The following MYH6 variants were observed in gnomAD, a reference collection of about 807,000 sequenced individuals.
The protein encoded by MYH6 is myosin-6.
A neutral mutation model predicts 223.2 loss-of-function variants in MYH6; 126 were observed. The observed-to-expected ratio is 0.56, with a 90% confidence interval of 0.49 to 0.65. MYH6 has a LOEUF of 0.65. Among genes scored for constraint, MYH6 ranks in the 30% least tolerant of loss-of-function variants. MYH6 has a pLI of 0.00. For synonymous variants in MYH6, 978 were observed against 1,010.2 expected (o/e 0.97, Z 0.61); for missense variants, 2,040 against 2,536.4 (o/e 0.80, Z 4.20).
chr14:23,400,813 T>C lies in MYH6; in HGVS notation c.1306A>G (p.Met436Val). 6.2e-7 allele frequency: 1 copy of C among 1,614,190 alleles called. No individual in the cohort carries two copies. The highest frequency in any genetic ancestry group is 1.7e-5 in the Admixed American group (1 of 60,026). Residue 436 changes from methionine to valine, a missense_variant, in exon 13 of 39, where the codon ATG becomes GTG. This residue lies in a region of MYH6 where 649 missense variants were observed against 877.3 expected (regional missense o/e 0.74). Coordinates refer to ENST00000405093, the MANE Select transcript of MYH6 (RefSeq NM_002471.4). The stretch of plus-strand genomic sequence containing the variant: ...ATGCGCGTCACCATCCAGTTGAACA[T>C]CTTCTCATACACTGCCTTGGCCAGA... ...GALAKAVYEK[M>V]FNWMVTRINA... is the part of the protein sequence containing the mutation.
At position 23,400,825 on chromosome 14, in the gene MYH6, C is replaced by A. The variant is rs1891577754; in HGVS notation, c.1294G>T (p.Val432Leu). Reference sequence around the variant, plus strand: ...ATCCAGTTGAACATCTTCTCATACACTGCCTTGGCCAGAGCCCCGATGGAG... The same window carrying A: ...ATCCAGTTGAACATCTTCTCATACAATGCCTTGGCCAGAGCCCCGATGGAG... ...YYSIGALAKAVYEKMFNWMVT... is the reference protein window; with the variant it reads ...YYSIGALAKALYEKMFNWMVT... Residue 432 changes from valine to leucine, a missense_variant, in exon 13 of 39, where the codon GTG becomes TTG. Transcript: ENST00000405093. The A allele has an allele frequency of 1.9e-6, 3 of 1,614,112 alleles. No individual in the cohort carries two copies. The highest frequency in any genetic ancestry group is 2.5e-6 in the Non-Finnish European group (3 of 1,180,058).
chr14:23,405,420 G>C lies in MYH6; in HGVS notation c.346-41C>G. ...AGGCTGGGCATGAGGTTGGTGGGGA[G>C]AGCCTGGGACAGGCAGTGGTGGCAG... On this transcript the variant is annotated intron_variant, in intron 4 of 38. Coordinates refer to ENST00000405093, the MANE Select transcript of MYH6 (RefSeq NM_002471.4). This position sits in a 1 kb window ranked among gnomAD's most constrained non-coding sequence, Gnocchi z 4.7. The C allele has an allele frequency of 6.2e-7, 1 of 1,613,942 alleles. No homozygotes were observed. The highest frequency in any genetic ancestry group is 8.5e-7 in the Non-Finnish European group (1 of 1,179,854).
rs774004889 is a variant in MYH6, at chr14:23,388,569, A to C, written c.4176-231T>G. 2.6e-5 allele frequency: 22 copies of C among 858,140 alleles called. No individual in the cohort carries two copies. In the South Asian group the frequency reaches 2.8e-4, roughly 11 times the overall value. 53.2% of individuals were successfully genotyped at this position (858,140 alleles called of 1,614,324 possible). ...TCAGTGCCCCCTGCCCTCACCCCCCACACAGGCTGATCGACGGTAGCTCCT... is the reference window on the plus strand; with the variant it reads ...TCAGTGCCCCCTGCCCTCACCCCCCCCACAGGCTGATCGACGGTAGCTCCT... On this transcript the variant is annotated intron_variant, in intron 29 of 38. Transcript: ENST00000405093.
At position 23,400,252 on chromosome 14, in the gene MYH6, G is replaced by A. The variant is rs1477041860; in HGVS notation, c.1581+4C>T. ...GGGCATAGGTGGTGAGGCCAAGGAG[G>A]CACCTTCTCGATGAGGTCAATGCAG... is the stretch of plus-strand genomic sequence containing the variant. On this transcript the variant is annotated splice_donor_region_variant and intron_variant, in intron 14 of 38. Coordinates refer to ENST00000405093, the MANE Select transcript of MYH6 (RefSeq NM_002471.4). The A allele has an allele frequency of 1.2e-6, 2 of 1,614,216 alleles. No homozygotes were observed. The highest frequency in any genetic ancestry group is 2.2e-5 in the South Asian group (2 of 91,080).
Position 23,383,259 on chromosome 14 carries a change from T to C in MYH6, c.5627A>G (p.Lys1876Arg), listed in dbSNP as rs201919534. The change falls in exon 37 of 39, where the codon AAG becomes AGG. Residue 1876 changes from lysine to arginine, a missense_variant. Lys to Arg is a conservative substitution (Grantham distance 26, BLOSUM62 2). Around this residue, in one of 4 missense-constraint regions of MYH6, gnomAD observed 1,203 missense variants for 1,400.2 expected, o/e 0.86. Transcript: ENST00000405093. ...LQDLVDKLQL[K>R]VKAYKRQAEE... ...GGCCTGGCGCTTGTAGGCCTTGACC[T>C]TCAGTTGCAGCTTGTCCACCAGGTC... 77 of 1,590,268 alleles carry C rather than the reference T, an allele frequency of 4.8e-5. No homozygotes were observed. In the African/African-American group the frequency reaches 9.0e-4, roughly 18 times the overall value.
intron 20 of MYH6, among the ~76,000 whole-genome samples, chr14:23,396,021 C>T (rs1891381785): frequency 6.6e-6 from 1 of 150,672 alleles, no homozygotes; most frequent in Admixed American, 6.6e-5. Context: ...ATTTGTAGAC[C>T]ATCTGAGCAA....
Position 23,405,012 on chromosome 14 carries a change from C to T in MYH6, c.530+88G>A. On this transcript the variant is annotated intron_variant, in intron 6 of 38. Transcript: ENST00000405093. The surrounding 1 kb of genome is among the most constrained non-coding windows in gnomAD (Gnocchi z 4.7). ...GCCCCATGCTCCCTGCAATCCCAGCCTTAAACCTCTCCTCCCAACTACACC... is the reference window on the plus strand; with the variant it reads ...GCCCCATGCTCCCTGCAATCCCAGCTTTAAACCTCTCCTCCCAACTACACC... 1.3e-6 allele frequency: 2 copies of T among 1,599,402 alleles called. 1 individual carries two copies. Among genetic ancestry groups the T allele is most frequent in the Middle Eastern group, 3.3e-4 (2 of 6,046 alleles).
intron 38 of MYH6, 68 bp from the exon 39 acceptor site, chr14:23,382,131 TGGGGC>T: frequency 6.8e-7 from 1 of 1,476,422 alleles, no homozygotes; most frequent in Non-Finnish European, 9.5e-7. Context: ...GACAAATCCC[TGGGGC>T]TTTCAGAGGC....
In MYH6 at chr14:23,394,124, C is replaced by T. The variant is rs772029920; in HGVS notation, c.2629G>A (p.Glu877Lys). The T allele has an allele frequency of 1.2e-6, 2 of 1,614,222 alleles. No individual in the cohort carries two copies. The highest frequency in any genetic ancestry group is 1.7e-5 in the Admixed American group (1 of 60,028). The change falls in exon 21 of 39, where the codon GAG (glutamate) becomes AAG (lysine). Residue 877 changes from glutamate (E) to lysine (K), a missense_variant. Physicochemically the swap from Glu to Lys is moderately conservative, Grantham distance 56. Coordinates refer to ENST00000405093, the MANE Select transcript of MYH6 (RefSeq NM_002471.4). ...KSEARRKELEEKMVSLLQEKN... is the reference protein window; with the variant it reads ...KSEARRKELEKKMVSLLQEKN... ...TCCTGCAGCAGGGACACCATCTTCT[C>T]CTCCAGCTCCTTGCGGCGAGCCTCG...
At chr14:23,397,376 T>C (rs1891431007) in intron 16 of MYH6, 119 bp from the exon 17 acceptor site, 1 of 1,291,504 alleles carries the variant, frequency 7.7e-7, no homozygotes, top group South Asian at 1.2e-5. Flanking sequence ...TGCCACATAA[T>C]TTGTGACGTG....
Position 23,407,031 on chromosome 14 carries a change from T to C in MYH6, c.193A>G (p.Asn65Asp). 3.7e-6 allele frequency: 6 copies of C among 1,614,074 alleles called. No individual in the cohort carries two copies. The highest frequency in any genetic ancestry group is 5.1e-6 in the Non-Finnish European group (6 of 1,180,002). The change falls in exon 3 of 39, where the codon AAT becomes GAT. Residue 65 changes from asparagine (N) to aspartate (D), a missense_variant. Asn to Asp is a conservative substitution (Grantham distance 23). Coordinates refer to ENST00000405093, the MANE Select transcript of MYH6 (RefSeq NM_002471.4). The surrounding 1 kb of genome is among the most constrained non-coding windows in gnomAD (Gnocchi z 5.6). ...EGGKVIAETE[N>D]GKTVTVKEDQ... ...CGCCATGCCCTACTCACCTTCCCAT[T>C]CTCGGTTTCAGCAATGACCTTGCCT...
chr14:23,405,026 C>T lies in MYH6; in HGVS notation c.530+74G>A, dbSNP rs1372717766. ...GCAATCCCAGCCTTAAACCTCTCCTCCCAACTACACCCTAGGCATCAGCGT... is the reference window on the plus strand; with the variant it reads ...GCAATCCCAGCCTTAAACCTCTCCTTCCAACTACACCCTAGGCATCAGCGT... On this transcript the variant is annotated intron_variant, in intron 6 of 38. Transcript: ENST00000405093. The surrounding 1 kb of genome is among the most constrained non-coding windows in gnomAD (Gnocchi z 4.7). 3 of 1,608,018 alleles carry T rather than the reference C, an allele frequency of 1.9e-6. No homozygotes were observed. The African/African-American group carries it at 4.0e-5, about 22-fold the overall frequency.
intron 26 of MYH6, 132 bp from the exon 27 acceptor site, chr14:23,389,851 A>G: frequency 6.5e-7 from 1 of 1,540,540 alleles, no homozygotes; most frequent in East Asian, 2.3e-5. Flanking sequence ...GCGCAGTCTG[A>G]AGAGAGACTT....
chr14:23,381,991 G>A lies in MYH6; in HGVS notation c.*49C>T. The A allele has an allele frequency of 6.2e-7, 1 of 1,614,096 alleles. No individual in the cohort carries two copies. On this transcript the variant is annotated 3_prime_UTR_variant, in exon 39 of 39. Coordinates refer to ENST00000405093, the MANE Select transcript of MYH6 (RefSeq NM_002471.4). ...GACAGATGGGCTCAGGCAGAGTTTG[G>A]CACTCATATTTATTACAGGTTGGCA...
Position 23,386,357 on chromosome 14 carries a change from G to A in MYH6, c.4917C>T (p.Ala1639=), listed in dbSNP as rs1411381315. 1.2e-5 allele frequency: 19 copies of A among 1,614,016 alleles called. No individual in the cohort carries two copies. The highest frequency in any genetic ancestry group is 3.3e-5 in the Admixed American group (2 of 60,002). The change falls in exon 33 of 39, where the codon GCC becomes GCT. Residue 1639 remains alanine (A), a synonymous_variant. Transcript: ENST00000405093. ...IQLSHANRMA[A]EAQKQVKSLQ... is the part of the protein sequence containing the mutation. ...GGCTCTTGACTTGCTTCTGGGCCTCGGCAGCCATGCGGTTGGCGTGGCTGA... is the reference window on the plus strand; with the variant it reads ...GGCTCTTGACTTGCTTCTGGGCCTCAGCAGCCATGCGGTTGGCGTGGCTGA...
At position 23,383,339 on chromosome 14, in the gene MYH6, G is replaced by GCCCCCC; in HGVS notation, c.5566-20_5566-19insGGGGGG. ...CCTCTGTCTGGGGGTGGGAGGGTGGGAGAAGCTGGTTTGGAGGGGGAGCAA... is the reference window on the plus strand; with the variant it reads ...CCTCTGTCTGGGGGTGGGAGGGTGGGCCCCCCAGAAGCTGGTTTGGAGGGGGAGCAA... On this transcript the variant is annotated intron_variant, in intron 36 of 38. Transcript: ENST00000405093. 1 of 108,192 alleles carries GCCCCCC rather than the reference G, an allele frequency of 9.2e-6. No homozygotes were observed. Among genetic ancestry groups the GCCCCCC allele is most frequent in the Non-Finnish European group, 1.8e-5 (1 of 54,380 alleles). The allele number at this position is 108,192 out of a possible 1,614,324, so 6.7% of individuals were successfully genotyped here.
At chr14:23,397,962 T>TTCTTTTTCTTCTTCC (rs1891470785) in intron 15 of MYH6, among the ~76,000 whole-genome samples, 6 of 121,584 alleles carry the variant, frequency 4.9e-5, no homozygotes, top group Admixed American at 8.7e-5. Flanking sequence ...CTTCTTCTTC[T>TTCTTTTTCTTCTTCC]TCTTCTTCTT....
rs546563498 is a variant in MYH6 at position 23,383,332 on chromosome 14, A to T, written c.5566-12T>A. 7.2e-5 allele frequency: 4 copies of T among 55,358 alleles called. No individual in the cohort carries two copies. The highest frequency in any genetic ancestry group is 1.3e-4 in the Non-Finnish European group (4 of 29,818). 3.4% of individuals were successfully genotyped at this position (55,358 alleles called of 1,614,324 possible). ...TTGTCTTCCTCTGTCTGGGGGTGGG[A>T]GGGTGGGAGAAGCTGGTTTGGAGGG... is the stretch of plus-strand genomic sequence containing the variant. On this transcript the variant is annotated splice_polypyrimidine_tract_variant and intron_variant, in intron 36 of 38. Transcript: ENST00000405093.
chr14:23,393,353 G>T lies in MYH6; in HGVS notation c.3094C>A (p.Gln1032Lys). The T allele has an allele frequency of 6.2e-7, 1 of 1,614,168 alleles. No individual in the cohort carries two copies. The highest frequency in any genetic ancestry group is 8.5e-7 in the Non-Finnish European group (1 of 1,180,032). The change falls in exon 23 of 39, where the codon CAG becomes AAG. Residue 1032 changes from glutamine to lysine, a missense_variant. By Grantham distance (53) the Gln-to-Lys change is moderately conservative. Around this residue, in one of 4 missense-constraint regions of MYH6, gnomAD observed 1,203 missense variants for 1,400.2 expected, o/e 0.86. Transcript: ENST00000405093. ...LSKSKVKLEQQVDDLEGSLEQ... is the reference protein window; with the variant it reads ...LSKSKVKLEQKVDDLEGSLEQ... ...TTCTTACTACTCACATCATCCACCT[G>T]CTGCTCCAGCTTGACCTTAGACTTG... is the stretch of plus-strand genomic sequence containing the variant.
Sources: allele counts gnomAD v4.1 joint callset (sites outside exome capture counted in the v4.1 genomes callset), GRCh38; gene constraint gnomAD v4.1.1; regional missense constraint gnomAD v4.1.1; non-coding constraint Gnocchi (gnomAD v3.1); transcripts MANE v1.5; gene names NCBI Gene and HGNC (gene_info 2026-07-23, HGNC 2026-07-21).